Variants in AGL observed in about 807,000 individuals in gnomAD.
AGL encodes amylo-alpha-1,6-glucosidase and 4-alpha-glucanotransferase.
A neutral mutation model predicts 199.3 loss-of-function variants in AGL; 128 were observed. That is an observed-to-expected ratio of 0.64 (90% CI 0.56 to 0.74). The LOEUF is 0.74. Ranked by LOEUF, AGL falls within the 30% of genes least tolerant of loss-of-function variation. The probability of loss-of-function intolerance (pLI) is 0.00; values close to 1 mark genes in which losing one functional copy is unlikely to be tolerated. For missense variants in AGL, 1,809 were observed against 1,820.8 expected, an observed-to-expected ratio of 0.99 and a Z score of 0.12; for synonymous variants, 584 against 594.7, an observed-to-expected ratio of 0.98 and a Z score of 0.26.
At chr1:99,861,776 A>G in intron 3 of AGL, 63 bp downstream of exon 3, 1 of 1,563,524 alleles carries the variant, frequency 6.4e-7, no homozygotes, top group Non-Finnish European at 8.8e-7. Flanking sequence ...GAAGTCACCT[A>G]ACTTGTAAAT....
chr1:99,893,823 T>G (rs1653094988), intron 24 of AGL, among the ~76,000 whole-genome samples: 2 of 152,186 alleles, frequency 1.3e-5, no homozygotes, highest in Non-Finnish European at 2.9e-5. Context: ...TGTATTCAGA[T>G]TTGCAGATAG....
chr1:99,869,037 G>C (rs1235628068), intron 5 of AGL, among the ~76,000 whole-genome samples: 1 of 151,982 alleles, frequency 6.6e-6, no homozygotes, highest in Non-Finnish European at 1.5e-5. Context: ...TGTTGCCCAG[G>C]CTGTCTCCAG....
rs746219796 is a variant in AGL, at chr1:99,915,408, C to A, written c.4181C>A (p.Thr1394Lys). 3 of 1,613,646 alleles carry A rather than the reference C, an allele frequency of 1.9e-6. No homozygotes were observed. The East Asian group carries it at 6.7e-5, about 36-fold the overall frequency. The change falls in exon 31 of 34, where the codon ACA (threonine) becomes AAA (lysine). Residue 1394 changes from threonine to lysine, a missense_variant. Thr to Lys is a moderately conservative substitution (Grantham distance 78). Coordinates refer to ENST00000361915, the MANE Select transcript of AGL (RefSeq NM_000642.3). ...CACTAGGCCCCTGAGCTCTTTACTA[C>A]AGAAAAAGCATGGAAAGCTTTGGAG... Reference protein sequence around the residue: ...AMVVAPELFTTEKAWKALEIA... With the variant: ...AMVVAPELFTKEKAWKALEIA...
chr1:99,857,851 GGGAA>G (rs1649690490), intron 2 of AGL, among the ~76,000 whole-genome samples: 2 of 133,078 alleles, frequency 1.5e-5, no homozygotes, highest in Admixed American at 7.5e-5. Context: ...AGGGGGAGGG[GGGAA>G]GAGGGAGAGG....
At chr1:99,862,223 G>T in intron 3 of AGL, 34 bp from the exon 4 acceptor site, 2 of 1,609,798 alleles carry the variant, frequency 1.2e-6, no homozygotes, top group South Asian at 1.1e-5. Flanking sequence ...TTCTATCACT[G>T]ACTGAAAAGT....
rs191299915 is a variant in AGL at position 99,890,508 on chromosome 1, T to A, written c.2813-712T>A. Among the ~76,000 whole-genome samples the A allele has an allele frequency of 1.1e-4, 17 of 152,228 alleles. No homozygotes were observed. The East Asian group carries it at 2.3e-3, about 21-fold the overall frequency. ...CATGCTACATACCTAGTAAAATTCATGCAATTCTAAATAGATAAATAAATT... is the reference window on the plus strand; with the variant it reads ...CATGCTACATACCTAGTAAAATTCAAGCAATTCTAAATAGATAAATAAATT... On this transcript the variant is annotated intron_variant, in intron 21 of 33. Coordinates refer to ENST00000361915, the MANE Select transcript of AGL (RefSeq NM_000642.3).
In AGL at chr1:99,902,020, A is replaced by G; in HGVS notation, c.3589-663A>G. 2.0e-5 allele frequency among the ~76,000 whole-genome samples: 3 copies of G among 150,470 alleles called. No homozygotes were observed. The South Asian group carries it at 6.2e-4, about 31-fold the overall frequency. On this transcript the variant is annotated intron_variant, in intron 26 of 33. Transcript: ENST00000361915. Reference sequence around the variant, plus strand: ...CAGCATTATAATTTTTATAATTAATAGTAGAATTTTTATATTATAGAGTTT... The same window carrying G: ...CAGCATTATAATTTTTATAATTAATGGTAGAATTTTTATATTATAGAGTTT...
chr1:99,916,566 G>T (rs919413038), intron 32 of AGL, 32 bp from the exon 33 acceptor site: 23 of 1,608,558 alleles, frequency 1.4e-5, no homozygotes, highest in African/African-American at 5.4e-5. Flanking sequence ...GGTATTTATG[G>T]TTTTTTTTGT....
intron 27 of AGL, among the ~76,000 whole-genome samples, chr1:99,903,531 A>G (rs1382740058): frequency 6.6e-6 from 1 of 152,176 alleles, no homozygotes. Context: ...AATCCAGTCT[A>G]TCATTGATGG....
chr1:99,870,493 C>G lies in AGL; in HGVS notation c.758C>G (p.Ala253Gly), dbSNP rs1354639441. Residue 253 changes from alanine (A) to glycine (G), a missense_variant, in exon 6 of 34, where the codon GCA (alanine) becomes GGA (glycine). Ala to Gly is a moderately conservative substitution (Grantham distance 60, BLOSUM62 0). Transcript: ENST00000361915. ...AAACCTGCCTGGGTCTTAGACAGAGCACTTTGGCGTTTCTCCTGTGATGTT... is the reference window on the plus strand; with the variant it reads ...AAACCTGCCTGGGTCTTAGACAGAGGACTTTGGCGTTTCTCCTGTGATGTT... ...HLKPAWVLDR[A>G]LWRFSCDVAE... 1 of 1,613,956 alleles carries G rather than the reference C, an allele frequency of 6.2e-7. No individual in the cohort carries two copies. The highest frequency in any genetic ancestry group is 1.7e-5 in the Admixed American group (1 of 60,000).
chr1:99,887,892 G>T (rs1652568516), intron 20 of AGL, 86 bp from the exon 21 acceptor site: 1 of 1,458,242 alleles, frequency 6.9e-7, no homozygotes, highest in Non-Finnish European at 9.5e-7. Context: ...GACATTTTAT[G>T]ATTGTAATTC....
chr1:99,881,730 A>G (rs759156165), intron 17 of AGL, 39 bp downstream of exon 17: 7 of 1,488,618 alleles, frequency 4.7e-6, no homozygotes, highest in Non-Finnish European at 6.5e-6. Context: ...TTTGTATTAT[A>G]TTATTATATT....
At chr1:99,877,966 T>C (rs1239550104) in intron 12 of AGL, 138 bp downstream of exon 12, 1 of 800,234 alleles carries the variant, frequency 1.2e-6, no homozygotes, top group African/African-American at 1.7e-5. Flanking sequence ...TATTTATCAC[T>C]ATTGCATAAT....
rs370391954 is a variant in AGL at position 99,870,471 on chromosome 1, C to T, written c.736C>T (p.Pro246Ser). The change falls in exon 6 of 34, where the codon CCT (proline) becomes TCT (serine). Residue 246 changes from proline (P) to serine (S), a missense_variant. Transcript: ENST00000361915. The stretch of plus-strand genomic sequence containing the variant: ...TCTTGTGAATTCTCCACACTTAAAA[C>T]CTGCCTGGGTCTTAGACAGAGCACT... ...YNLVNSPHLK[P>S]AWVLDRALWR... 1.2e-6 allele frequency: 2 copies of T among 1,614,030 alleles called. No individual in the cohort carries two copies. The highest frequency in any genetic ancestry group is 1.7e-4 in the Middle Eastern group (1 of 6,058).
intron 20 of AGL, among the ~76,000 whole-genome samples, chr1:99,886,747 G>A (rs1211713240): frequency 6.6e-6 from 1 of 152,100 alleles, no homozygotes; most frequent in Non-Finnish European, 1.5e-5. Context: ...TTTTGCTATT[G>A]TGTTCGGCTT....
intron 2 of AGL, among the ~76,000 whole-genome samples, chr1:99,853,135 T>A (rs963507323): frequency 6.6e-6 from 1 of 152,244 alleles, no homozygotes; most frequent in Admixed American, 6.5e-5. Context: ...GATGCCAGAA[T>A]AATCTTATGC....
chr1:99,858,890 TTACATAATC>T, intron 2 of AGL, among the ~76,000 whole-genome samples: 1 of 152,030 alleles, frequency 6.6e-6, no homozygotes, highest in Middle Eastern at 3.4e-3. Flanking sequence ...ATTTTATAAT[TTACATAATC>T]TATGAGAACA....
chr1:99,890,698 C>T (rs1652823952), intron 21 of AGL, among the ~76,000 whole-genome samples: 1 of 151,516 alleles, frequency 6.6e-6, no homozygotes, highest in South Asian at 2.1e-4. Context: ...GTTCTAAGTA[C>T]CTCCTGTTAA....
rs1490339052 is a variant in AGL at position 99,915,388 on chromosome 1, G to A, written c.4162-1G>A. 8 of 1,612,710 alleles carry A rather than the reference G, an allele frequency of 5.0e-6. No homozygotes were observed. Among genetic ancestry groups the A allele is most frequent in the Non-Finnish European group, 6.8e-6 (8 of 1,179,096 alleles). ...GTATATTTGTTTTTGGCATTCACTA[G>A]GCCCCTGAGCTCTTTACTACAGAAA... is the stretch of plus-strand genomic sequence containing the variant. On this transcript the variant is annotated splice_acceptor_variant, in intron 30 of 33. Transcript: ENST00000361915. LOFTEE classifies it high-confidence loss of function.
Sources: allele counts gnomAD v4.1 joint callset (sites outside exome capture counted in the v4.1 genomes callset), GRCh38; gene constraint gnomAD v4.1.1; transcripts MANE v1.5; gene names NCBI Gene and HGNC (gene_info 2026-07-23, HGNC 2026-07-21).